PIK3C2G: variants seen among roughly 807,000 people sequenced by gnomAD.
PIK3C2G encodes the protein phosphatidylinositol-4-phosphate 3-kinase catalytic subunit type 2 gamma, also known as phosphatidylinositol 3-kinase C2 domain-containing subunit gamma.
PIK3C2G carries 168 observed loss-of-function variants against 181.1 expected under a neutral mutation model. The ratio of observed to expected loss-of-function variants is 0.93; its 90% confidence interval spans 0.82 to 1.05. The LOEUF (loss-of-function observed/expected upper bound fraction) is 1.05. PIK3C2G is among the 50% of genes least tolerant of loss of function. PIK3C2G has a pLI of 0.00. For missense variants in PIK3C2G, 1,869 were observed against 1,732.8 expected, an observed-to-expected ratio of 1.08 and a Z score of -1.40; for synonymous variants, 573 against 592.2, an observed-to-expected ratio of 0.97 and a Z score of 0.47.
chr12:18,343,515 C>T (rs1002186986), intron 10 of PIK3C2G, among the ~76,000 whole-genome samples, 155 bp downstream of exon 10: 1 of 151,438 alleles, frequency 6.6e-6, no homozygotes, highest in African/African-American at 2.4e-5. Flanking sequence ...GAGAAAGATG[C>T]TTTTCTAAAG....
upstream of PIK3C2G, among the ~76,000 whole-genome samples, chr12:18,243,405 G>C (rs1014403978): frequency 6.6e-6 from 1 of 151,942 alleles, no homozygotes. Context: ...TCTTCTGTTA[G>C]AGATGGCACC....
intron 29 of PIK3C2G, among the ~76,000 whole-genome samples, chr12:18,580,169 A>G (rs944119356): frequency 2.6e-5 from 4 of 152,020 alleles, no homozygotes; most frequent in Non-Finnish European, 5.9e-5. Context: ...TAATAGAAAC[A>G]TGTAATAAAA....
chr12:18,317,202 C>T (rs527322627), intron 6 of PIK3C2G, among the ~76,000 whole-genome samples: 1 of 151,442 alleles, frequency 6.6e-6, no homozygotes, highest in East Asian at 2.0e-4. Context: ...TTAGTAGAGA[C>T]GGGTTTCACC....
At chr12:18,476,562 C>A (rs1463770449) in intron 18 of PIK3C2G, among the ~76,000 whole-genome samples, 1 of 151,930 alleles carries the variant, frequency 6.6e-6, no homozygotes, top group African/African-American at 2.4e-5. Flanking sequence ...GAAATGAAGG[C>A]CCCAGTTAAA....
intron 16 of PIK3C2G, among the ~76,000 whole-genome samples, chr12:18,413,714 G>A (rs1945002252): frequency 6.6e-6 from 1 of 151,992 alleles, no homozygotes; most frequent in African/African-American, 2.4e-5. Context: ...GTAGTTCCAA[G>A]GTTAGCAGAA....
At chr12:18,348,347 T>C (rs879909706) in intron 11 of PIK3C2G, among the ~76,000 whole-genome samples, 45 of 152,084 alleles carry the variant, frequency 3.0e-4, no homozygotes, top group South Asian at 1.0e-3. Flanking sequence ...TGTGTGTGTG[T>C]GCGTATGAAT....
At chr12:18,314,823 A>C (rs1950792236) in intron 6 of PIK3C2G, among the ~76,000 whole-genome samples, 1 of 152,206 alleles carries the variant, frequency 6.6e-6, no homozygotes, top group African/African-American at 2.4e-5. Context: ...TGAAGGCAAA[A>C]AAATAACTTG....
At chr12:18,700,031 T>C in the PIK3C2G span, 1 of 1,115,208 alleles carries the variant, frequency 9.0e-7, no homozygotes, top group Non-Finnish European at 1.3e-6. Flanking sequence ...AAAATACACT[T>C]TCAAACAAAT....
chr12:18,466,800 G>A (rs1315637713), intron 18 of PIK3C2G, among the ~76,000 whole-genome samples: 1 of 151,992 alleles, frequency 6.6e-6, no homozygotes, highest in Non-Finnish European at 1.5e-5. Context: ...TCTAAGGTCA[G>A]ATAATCACCA....
intron 24 of PIK3C2G, among the ~76,000 whole-genome samples, chr12:18,513,593 T>C (rs1291282184): frequency 6.6e-6 from 1 of 151,826 alleles, no homozygotes; most frequent in Non-Finnish European, 1.5e-5. Flanking sequence ...TAATTGCTCA[T>C]CCCATTTTTT....
the PIK3C2G span, among the ~76,000 whole-genome samples, chr12:18,657,928 C>T: frequency 6.6e-6 from 1 of 151,884 alleles, no homozygotes; most frequent in Non-Finnish European, 1.5e-5. Context: ...CTTAAGGAAA[C>T]CACATACAAA....
In PIK3C2G at chr12:18,415,763, G is replaced by C. The variant is rs535950698; in HGVS notation, c.2316-5178G>C. On this transcript the variant is annotated intron_variant, in intron 16 of 32. Transcript: ENST00000538779. ...AGTGAAGACAGACTGATAAGAAAGT[G>C]AAACAGTCTTATTGCTGCAAGGGAC... Among the ~76,000 whole-genome samples, 6 of 152,288 alleles carry C rather than the reference G, an allele frequency of 3.9e-5. No individual in the cohort carries two copies. The South Asian group carries it at 1.2e-3, about 32-fold the overall frequency.
chr12:18,623,540 A>C (rs535641875), intron 31 of PIK3C2G, among the ~76,000 whole-genome samples: 41 of 151,782 alleles, frequency 2.7e-4, no homozygotes, highest in African/African-American at 9.9e-4. Context: ...GTTCCACGTG[A>C]ATTTTAGGAT....
At chr12:18,637,212 C>T (rs1949642628) in intron 31 of PIK3C2G, among the ~76,000 whole-genome samples, 1 of 152,108 alleles carries the variant, frequency 6.6e-6, no homozygotes, top group African/African-American at 2.4e-5. Flanking sequence ...ACCCATAGGT[C>T]CCTTTGAATA....
chr12:18,643,887 T>C (rs2136822660), intron 32 of PIK3C2G, among the ~76,000 whole-genome samples: 1 of 152,274 alleles, frequency 6.6e-6, no homozygotes, highest in Non-Finnish European at 1.5e-5. Context: ...AGCCGTGTAC[T>C]GTTCTTGAAG....
intron 13 of PIK3C2G, among the ~76,000 whole-genome samples, chr12:18,378,442 A>G (rs1430409935): frequency 6.6e-6 from 1 of 152,210 alleles, no homozygotes; most frequent in Non-Finnish European, 1.5e-5. Flanking sequence ...AATACCATTC[A>G]GGACATAGGC....
chr12:18,294,910 G>C (rs1418221919), intron 5 of PIK3C2G, among the ~76,000 whole-genome samples: 1 of 151,652 alleles, frequency 6.6e-6, no homozygotes. Context: ...GAATGTGCTT[G>C]AAATTATCTT....
chr12:18,365,552 T>A (rs1053625666), intron 12 of PIK3C2G, among the ~76,000 whole-genome samples: 13 of 152,278 alleles, frequency 8.5e-5, no homozygotes, highest in African/African-American at 2.9e-4. Context: ...TCACCCTCCA[T>A]CTTGAAATTT....
intron 31 of PIK3C2G, among the ~76,000 whole-genome samples, chr12:18,619,833 T>G (rs538768061): frequency 2.0e-5 from 3 of 151,998 alleles, no homozygotes; most frequent in Admixed American, 6.6e-5. Flanking sequence ...CACGCCATTC[T>G]TCTGCCTCAG....
Sources: gnomAD v4.1 joint callset for allele counts (sites outside exome capture counted in the v4.1 genomes callset) on GRCh38, gnomAD v4.1.1 for gene constraint, MANE v1.5 for transcripts, NCBI Gene and HGNC (gene_info 2026-07-23, HGNC 2026-07-21) for gene names.